Variants in TBC1D9 observed in about 807,000 individuals in gnomAD.
TBC1D9 encodes TBC1 domain family member 9A.
TBC1D9 carries 63 observed loss-of-function variants against 132.0 expected under a neutral mutation model. The ratio of observed to expected loss-of-function variants is 0.48; its 90% CI spans 0.39 to 0.59. The LOEUF is 0.59. TBC1D9 is among the 20% of genes least tolerant of loss of function. TBC1D9 has a pLI of 0.00. For missense variants in TBC1D9, 1,261 were observed against 1,592.7 expected (o/e 0.79, Z 3.54); for synonymous variants, 610 against 609.9 (o/e 1.00, Z 0.00).
chr4:140,707,312 A>C lies in TBC1D9; in HGVS notation c.131-5698T>G, dbSNP rs577570623. Reference sequence around the variant, plus strand: ...CTAAGAGGTCCCATTAGACATTCAGAGTTCACCATCTAGAAGCTTCCATTT... The same window carrying C: ...CTAAGAGGTCCCATTAGACATTCAGCGTTCACCATCTAGAAGCTTCCATTT... On this transcript the variant is annotated intron_variant, in intron 1 of 20. Coordinates refer to ENST00000442267, the MANE Select transcript of TBC1D9 (RefSeq NM_015130.3). Among the ~76,000 whole-genome samples the C allele has an allele frequency of 2.0e-5, 3 of 152,266 alleles. No individual in the cohort carries two copies. The South Asian group carries it at 6.2e-4, about 32-fold the overall frequency.
intron 13 of TBC1D9, chr4:140,644,192 C>T (rs372575566): frequency 3.0e-5 from 10 of 336,368 alleles, no homozygotes; most frequent in Middle Eastern, 8.6e-4. Flanking sequence ...GATACCTGGG[C>T]GGCATATCTG....
intron 16 of TBC1D9, among the ~76,000 whole-genome samples, chr4:140,632,090 G>T (rs1158127938): frequency 6.6e-6 from 1 of 152,144 alleles, no homozygotes; most frequent in African/African-American, 2.4e-5. Flanking sequence ...TTCTTTTCCA[G>T]TGTTTTCTCT....
At chr4:140,674,203 A>G (rs1231726925) in intron 6 of TBC1D9, among the ~76,000 whole-genome samples, 2 of 152,196 alleles carry the variant, frequency 1.3e-5, no homozygotes, top group Non-Finnish European at 2.9e-5. Flanking sequence ...TTTGGTGAAA[A>G]AACTTACAAA....
At chr4:140,725,626 A>G (rs1028407653) in intron 1 of TBC1D9, among the ~76,000 whole-genome samples, 1 of 152,028 alleles carries the variant, frequency 6.6e-6, no homozygotes, top group Non-Finnish European at 1.5e-5. Flanking sequence ...CTCTGGAAAT[A>G]AGTTCCCTCT....
At chr4:140,681,907 T>C (rs1560884001) in intron 3 of TBC1D9, among the ~76,000 whole-genome samples, 1 of 152,222 alleles carries the variant, frequency 6.6e-6, no homozygotes, top group Non-Finnish European at 1.5e-5. Context: ...CACGTCTATG[T>C]TGTCTTAATT....
chr4:140,721,447 T>C (rs1375628264), intron 1 of TBC1D9, among the ~76,000 whole-genome samples: 1 of 152,160 alleles, frequency 6.6e-6, no homozygotes, highest in African/African-American at 2.4e-5. Flanking sequence ...TGGCAGCTAC[T>C]AAGTGGCAGC....
intron 1 of TBC1D9, among the ~76,000 whole-genome samples, chr4:140,739,924 T>C (rs1738734071): frequency 1.3e-5 from 2 of 152,226 alleles, no homozygotes; most frequent in Non-Finnish European, 1.5e-5. Flanking sequence ...TTTTGTTTGT[T>C]CAGTGTAAAC....
At chr4:140,655,569 G>T (rs1737254698) in intron 13 of TBC1D9, among the ~76,000 whole-genome samples, 1 of 152,180 alleles carries the variant, frequency 6.6e-6, no homozygotes, top group Non-Finnish European at 1.5e-5. Flanking sequence ...TAAAAGTTTA[G>T]AGAATCAAGG....
At chr4:140,699,466 G>C (rs1738029816) in intron 2 of TBC1D9, among the ~76,000 whole-genome samples, 1 of 152,184 alleles carries the variant, frequency 6.6e-6, no homozygotes, top group Non-Finnish European at 1.5e-5. Flanking sequence ...TTGATAAAAT[G>C]TACACTTGGC....
chr4:140,636,793 T>A (rs1433158241), intron 15 of TBC1D9, among the ~76,000 whole-genome samples: 1 of 152,144 alleles, frequency 6.6e-6, no homozygotes, highest in East Asian at 1.9e-4. Flanking sequence ...CCAATTGAAG[T>A]GTTGCAATGA....
At chr4:140,731,067 GTTCTAGAAA>G (rs1478128132) in intron 1 of TBC1D9, among the ~76,000 whole-genome samples, 2 of 152,176 alleles carry the variant, frequency 1.3e-5, no homozygotes, top group African/African-American at 4.8e-5. Context: ...TGCTTTTGAG[GTTCTAGAAA>G]TGCAAGGGGG....
intron 1 of TBC1D9, among the ~76,000 whole-genome samples, chr4:140,750,134 G>A (rs961768412): frequency 7.5e-5 from 11 of 145,742 alleles, no homozygotes; most frequent in East Asian, 2.0e-4. Flanking sequence ...AAAATAAAAT[G>A]AAAACAGGCA....
chr4:140,630,529 T>C (rs895525752), intron 16 of TBC1D9, among the ~76,000 whole-genome samples: 1 of 152,172 alleles, frequency 6.6e-6, no homozygotes, highest in African/African-American at 2.4e-5. Context: ...AAATCTGTAC[T>C]GACATAAGAT....
intron 1 of TBC1D9, among the ~76,000 whole-genome samples, chr4:140,748,707 A>T (rs565163823): frequency 1.3e-5 from 2 of 152,346 alleles, no homozygotes; most frequent in Admixed American, 1.3e-4. Context: ...CAAAACAAAA[A>T]TATCCTTCAA....
Position 140,640,785 on chromosome 4 carries a change from T to C in TBC1D9, c.2338-1357A>G, listed in dbSNP as rs115466270. On this transcript the variant is annotated intron_variant, in intron 13 of 20. Coordinates refer to ENST00000442267, the MANE Select transcript of TBC1D9 (RefSeq NM_015130.3). ...TATATACTGCTGGTTGGAGTATCAG[T>C]TGCTACAACCGTTCTGAAAATCTGT... Among the ~76,000 whole-genome samples, 1,311 of 152,212 alleles carry C rather than the reference T, an allele frequency of 8.6e-3. 21 individuals are homozygous for C. Among genetic ancestry groups the C allele is most frequent in the African/African-American group, 0.03 (1,253 of 41,510 alleles).
chr4:140,736,638 T>C (rs1011303861), intron 1 of TBC1D9, among the ~76,000 whole-genome samples: 3 of 152,036 alleles, frequency 2.0e-5, no homozygotes, highest in Non-Finnish European at 4.4e-5. Context: ...TTTGAGAAAC[T>C]AGAGGTGACC....
At chr4:140,634,834 C>G (rs1405362906) in intron 15 of TBC1D9, among the ~76,000 whole-genome samples, 1 of 152,118 alleles carries the variant, frequency 6.6e-6, no homozygotes, top group Non-Finnish European at 1.5e-5. Context: ...CTGTGAATAG[C>G]TCTAGAAAAA....
intron 1 of TBC1D9, among the ~76,000 whole-genome samples, chr4:140,724,640 G>GA (rs568871378): frequency 0.011 from 1,469 of 128,698 alleles, 15 homozygotes; most frequent in African/African-American, 0.029. Context: ...AGAGAAATTG[G>GA]AAAAAAAAAA....
chr4:140,723,388 C>A (rs1162861836), intron 1 of TBC1D9, among the ~76,000 whole-genome samples: 1 of 152,198 alleles, frequency 6.6e-6, no homozygotes, highest in Non-Finnish European at 1.5e-5. Context: ...CAGGCCAGTA[C>A]AATGGCGTCA....
Sources: gnomAD v4.1 joint callset for allele counts (sites outside exome capture counted in the v4.1 genomes callset) on GRCh38, gnomAD v4.1.1 for gene constraint, MANE v1.5 for transcripts, NCBI Gene and HGNC (gene_info 2026-07-23, HGNC 2026-07-21) for gene names.